Variants in ABCE1 observed in about 807,000 individuals in gnomAD.
ABCE1 encodes ATP-binding cassette sub-family E member 1.
In ABCE1, 22 loss-of-function variants were observed where a neutral mutation model predicts 83.4. That is an observed-to-expected ratio of 0.26 (90% CI 0.19 to 0.38). ABCE1 has a LOEUF of 0.38. ABCE1 is among the 10% of genes least tolerant of loss of function. The pLI is 1.00. For missense variants in ABCE1, 330 were observed against 721.9 expected (o/e 0.46, Z 6.22); for synonymous variants, 204 against 233.7 (o/e 0.87, Z 1.16).
chr4:145,121,101 C>A, intron 11 of ABCE1, 73 bp from the exon 12 acceptor site: 1 of 1,482,554 alleles, frequency 6.7e-7, no homozygotes. Flanking sequence ...CAGTTAAAAC[C>A]AAATAGGACA....
At chr4:145,110,795 T>G in intron 7 of ABCE1, 173 bp from the exon 8 acceptor site, 1 of 570,826 alleles carries the variant, frequency 1.8e-6, no homozygotes, top group Non-Finnish European at 3.1e-6. Context: ...GCCCTGAACT[T>G]AAGTGATGAA....
chr4:145,105,028 T>C (rs997247972), intron 2 of ABCE1, among the ~76,000 whole-genome samples: 1 of 152,046 alleles, frequency 6.6e-6, no homozygotes, highest in African/African-American at 2.4e-5. Flanking sequence ...TAAGTAATTG[T>C]GAATATACGA....
intron 17 of ABCE1, among the ~76,000 whole-genome samples, chr4:145,125,539 C>T (rs912286325): frequency 1.3e-5 from 2 of 152,078 alleles, no homozygotes; most frequent in African/African-American, 4.8e-5. Flanking sequence ...ATTTTAAGAC[C>T]TGATGGCATA....
At chr4:145,122,877 T>G in intron 13 of ABCE1, 144 bp from the exon 14 acceptor site, 1 of 577,564 alleles carries the variant, frequency 1.7e-6, no homozygotes, top group Non-Finnish European at 3.0e-6. Context: ...TCAAAACATG[T>G]CATAGATGGT....
intron 3 of ABCE1, 104 bp downstream of exon 3, chr4:145,105,794 GCAAA>G: frequency 1.7e-6 from 1 of 583,720 alleles, no homozygotes; most frequent in Non-Finnish European, 2.9e-6. Flanking sequence ...AAAGTATAAA[GCAAA>G]TGAATAGAGA....
rs147806863 is a variant in ABCE1, at chr4:145,123,031, G to A, written c.1274G>A (p.Arg425His). 2.5e-5 allele frequency: 39 copies of A among 1,580,216 alleles called. No homozygotes were observed. In the East Asian group the frequency reaches 5.4e-4, roughly 22 times the overall value. Residue 425 changes from arginine (R) to histidine (H), a missense_variant, in exon 14 of 18, where the codon CGC becomes CAC. Physicochemically the swap from Arg to His is conservative, Grantham distance 29 (BLOSUM62 0). Coordinates refer to ENST00000296577, the MANE Select transcript of ABCE1 (RefSeq NM_002940.3). ...KISPKSTGSV[R>H]QLLHEKIRDA... ...TTATATTAAAAACAGGGAAGTGTTC[G>A]CCAGTTACTACATGAAAAGATAAGA...
At chr4:145,112,378 A>T in intron 9 of ABCE1, 50 bp downstream of exon 9, 1 of 1,292,736 alleles carries the variant, frequency 7.7e-7, no homozygotes, top group Non-Finnish European at 1.1e-6. Flanking sequence ...GGAGATTTTT[A>T]CAGATTTCTA....
At chr4:145,115,404 A>C (rs939414757) in intron 9 of ABCE1, among the ~76,000 whole-genome samples, 1 of 152,002 alleles carries the variant, frequency 6.6e-6, no homozygotes, top group Admixed American at 6.6e-5. Context: ...ACACCGATGC[A>C]AGATGAGTAT....
chr4:145,112,194 T>C, intron 8 of ABCE1, 45 bp from the exon 9 acceptor site: 1 of 1,385,748 alleles, frequency 7.2e-7, no homozygotes, highest in Non-Finnish European at 9.8e-7. Context: ...GTAGAATGTC[T>C]TGTCTTTCAA....
chr4:145,129,304 A>G lies in ABCE1; in HGVS notation c.*1731A>G, dbSNP rs550741808. The G allele has an allele frequency of 6.6e-6, 1 of 152,212 alleles. No individual in the cohort carries two copies. The highest frequency in any genetic ancestry group is 1.5e-5 in the Non-Finnish European group (1 of 68,016). 9.4% of individuals were successfully genotyped at this position (152,212 alleles called of 1,614,324 possible). A position where few individuals can be genotyped will look rare whatever the true frequency, so the allele number is the denominator to read the frequency against. ...TAAAATATGTATCTTAAAATTTTAC[A>G]TAGCAACAGAAAGGCCTACAATTGC... On this transcript the variant is annotated 3_prime_UTR_variant, in exon 18 of 18. Transcript: ENST00000296577.
chr4:145,102,999 A>G (rs576389565), intron 1 of ABCE1, among the ~76,000 whole-genome samples: 3 of 152,312 alleles, frequency 2.0e-5, no homozygotes, highest in African/African-American at 7.2e-5. Context: ...GAACTATGTC[A>G]GGAGTTGTAA....
intron 3 of ABCE1, 146 bp from the exon 4 acceptor site, chr4:145,107,869 A>T: frequency 1.5e-6 from 1 of 646,306 alleles, no homozygotes; most frequent in Non-Finnish European, 2.5e-6. Context: ...ATTTTAAGTA[A>T]ATAGTAGAAG....
At chr4:145,099,164 G>A (rs1186390722) in intron 1 of ABCE1, among the ~76,000 whole-genome samples, 1 of 152,086 alleles carries the variant, frequency 6.6e-6, no homozygotes, top group African/African-American at 2.4e-5. Context: ...TATCTCTTCA[G>A]GGCTTCGTAC....
At chr4:145,111,468 C>T (rs541700172) in intron 8 of ABCE1, among the ~76,000 whole-genome samples, 12 of 152,130 alleles carry the variant, frequency 7.9e-5, no homozygotes, top group Non-Finnish European at 1.5e-4. Context: ...GGACTACAGA[C>T]GCCCGCCACC....
At position 145,120,108 on chromosome 4, in the gene ABCE1, GGA is replaced by G. The variant is rs1361419074; in HGVS notation, c.1103_1104del (p.Glu368ValfsTer5). 1 of 1,611,348 alleles carries G rather than the reference GGA, an allele frequency of 6.2e-7. No homozygotes were observed. Among genetic ancestry groups the G allele is most frequent in the Non-Finnish European group, 8.5e-7 (1 of 1,179,074 alleles). ...MGEFELAIVA[G>X]EFTDSEIMVM... is the part of the protein sequence containing the mutation. Reference sequence around the variant, plus strand: ...AGAATTTGAGCTAGCAATTGTAGCTGGAGAGTTTACAGATTCTGAAATTATGG... The same window carrying G: ...AGAATTTGAGCTAGCAATTGTAGCTGGAGTTTACAGATTCTGAAATTATGG... On this transcript the variant is annotated frameshift_variant, in exon 11 of 18. Transcript: ENST00000296577. LOFTEE classifies it high-confidence loss of function.
At chr4:145,099,708 C>G (rs1749070521) in intron 1 of ABCE1, among the ~76,000 whole-genome samples, 1 of 152,170 alleles carries the variant, frequency 6.6e-6, no homozygotes, top group Non-Finnish European at 1.5e-5. Context: ...TAATAAACTA[C>G]AATAAGCATG....
chr4:145,104,235 A>C (rs866959033), intron 1 of ABCE1, among the ~76,000 whole-genome samples, 151 bp from the exon 2 acceptor site: 3 of 152,104 alleles, frequency 2.0e-5, no homozygotes, highest in African/African-American at 7.2e-5. Context: ...AGATTATTTT[A>C]CAATTTTTAC....
At chr4:145,104,544 T>A (rs774750313) in intron 2 of ABCE1, 29 bp downstream of exon 2, 3 of 1,429,330 alleles carry the variant, frequency 2.1e-6, no homozygotes, top group Non-Finnish European at 2.8e-6. Context: ...CATTTAAGTA[T>A]AAAAGAAAAC....
At chr4:145,109,302 T>C in intron 5 of ABCE1, 53 bp downstream of exon 5, 2 of 1,007,912 alleles carry the variant, frequency 2.0e-6, no homozygotes, top group East Asian at 5.1e-5. Flanking sequence ...TTTATGAGAT[T>C]TTGGGGGGAT....
Sources: allele counts gnomAD v4.1 joint callset (sites outside exome capture counted in the v4.1 genomes callset), GRCh38; gene constraint gnomAD v4.1.1; transcripts MANE v1.5; gene names NCBI Gene and HGNC (gene_info 2026-07-23, HGNC 2026-07-21).